MIA2: variants seen among roughly 807,000 people sequenced by gnomAD.
MIA2 encodes the protein MIA SH3 domain ER export factor 2, also known as melanoma inhibitory activity protein 2.
MIA2 carries 127 observed loss-of-function variants against 167.8 expected under a neutral mutation model. That is an observed-to-expected ratio of 0.76 (90% CI 0.66 to 0.88). The LOEUF is 0.88. Among genes scored for constraint, MIA2 ranks in the 40% least tolerant of loss-of-function variants. The pLI is 0.00. For missense variants in MIA2, 1,690 were observed against 1,624.7 expected (o/e 1.04, Z -0.69); for synonymous variants, 552 against 541.9 (o/e 1.02, Z -0.26).
Position 39,279,475 on chromosome 14 carries a change from C to T in MIA2, c.2068C>T (p.Leu690Phe), listed in dbSNP as rs749068286. 6.2e-7 allele frequency: 1 copy of T among 1,608,978 alleles called. No homozygotes were observed. Among genetic ancestry groups the T allele is most frequent in the African/African-American group, 1.3e-5 (1 of 74,568 alleles). The change falls in exon 9 of 29, where the codon CTT becomes TTT. Residue 690 changes from leucine to phenylalanine, a missense_variant. Coordinates refer to ENST00000640607, the MANE Select transcript of MIA2 (RefSeq NM_001329214.4). ...VGREKKLALM[L>F]SGLIEEKSKL... ...ACGAGAGAAAAAGCTTGCTCTAATG[C>T]TTTCTGGACTAATTGAAGAAAAAAG...
rs1370019568 is a variant in MIA2, at chr14:39,247,105, A to C, written c.531A>C (p.Gln177His). The C allele has an allele frequency of 1.2e-5, 19 of 1,608,418 alleles. No homozygotes were observed. Among genetic ancestry groups the C allele is most frequent in the Non-Finnish European group, 1.5e-5 (18 of 1,178,714 alleles). ...ATYESTLFEDQVPALEAPEDI... is the reference protein window; with the variant it reads ...ATYESTLFEDHVPALEAPEDI... ...ATGAAAGTACTTTGTTTGAAGACCA[A>C]GTTCCAGCATTAGAGGCTCCTGAAG... The change falls in exon 4 of 29, where the codon CAA becomes CAC. Residue 177 changes from glutamine to histidine, a missense_variant. Transcript: ENST00000640607.
chr14:39,286,209 G>A (rs1455797393), intron 9 of MIA2, among the ~76,000 whole-genome samples: 3 of 152,242 alleles, frequency 2.0e-5, no homozygotes, highest in Admixed American at 1.3e-4. Flanking sequence ...TCGGGAGGCC[G>A]AGGCTGGCAG....
Position 39,350,139 on chromosome 14 carries a change from C to T in MIA2, c.4114C>T (p.Pro1372Ser), listed in dbSNP as rs2074222440. Residue 1372 changes from proline (P) to serine (S), a missense_variant, in exon 29 of 29, where the codon CCC becomes TCC. Transcript: ENST00000640607. Reference sequence around the variant, plus strand: ...ACCGAGGGGTTTTCCTCCTTACCTTCCCCCAAGACCTGGATTTTTCCCCCC... The same window carrying T: ...ACCGAGGGGTTTTCCTCCTTACCTTTCCCCAAGACCTGGATTTTTCCCCCC... The part of the protein sequence containing the change: ...YPPRGFPPYL[P>S]PRPGFFPPPP... 1.5e-6 allele frequency: 2 copies of T among 1,369,144 alleles called. No individual in the cohort carries two copies. The highest frequency in any genetic ancestry group is 2.0e-6 in the Non-Finnish European group (2 of 1,001,236). The allele number at this position is 1,369,144 out of a possible 1,614,324, so 84.8% of individuals were successfully genotyped here.
At chr14:39,379,980 G>C (rs1003071297) in intron 23 of MIA2, among the ~76,000 whole-genome samples, 7 of 152,150 alleles carry the variant, frequency 4.6e-5, no homozygotes, top group African/African-American at 1.7e-4. Context: ...TTTCAATGTG[G>C]GGAGTACATT....
chr14:39,364,364 C>CAA (rs372182927), intron 23 of MIA2, among the ~76,000 whole-genome samples: 4 of 142,508 alleles, frequency 2.8e-5, no homozygotes, highest in African/African-American at 7.6e-5. Context: ...GCAAGACTCT[C>CAA]AAAAAAAAAA....
At chr14:39,308,807 C>G (rs1481799849) in intron 18 of MIA2, among the ~76,000 whole-genome samples, 1 of 152,142 alleles carries the variant, frequency 6.6e-6, no homozygotes, top group Non-Finnish European at 1.5e-5. Flanking sequence ...TTAACAGAAT[C>G]CTCTTTAGCT....
chr14:39,355,766 C>T (rs1212907188), downstream of MIA2, among the ~76,000 whole-genome samples: 3 of 152,164 alleles, frequency 2.0e-5, no homozygotes, highest in East Asian at 1.9e-4. Flanking sequence ...GCATGAAGGG[C>T]TGTTGAATTT....
chr14:39,262,787 G>T (rs549282758), intron 6 of MIA2, among the ~76,000 whole-genome samples: 5 of 152,168 alleles, frequency 3.3e-5, no homozygotes, highest in African/African-American at 1.2e-4. Flanking sequence ...ATTGTGAATG[G>T]GAGTTCACTC....
At chr14:39,313,314 G>A (rs778486197) in intron 18 of MIA2, 26 bp from the exon 19 acceptor site, 2 of 1,241,888 alleles carry the variant, frequency 1.6e-6, no homozygotes, top group Non-Finnish European at 2.3e-6. Context: ...TGTATTAAGA[G>A]AATTATAACA....
At chr14:39,386,851 C>CTT (rs1454640707) in intron 23 of MIA2, 5 of 870,660 alleles carry the variant, frequency 5.7e-6, no homozygotes, top group Non-Finnish European at 9.8e-6. Context: ...CTCTCTTCTA[C>CTT]TTTAACTCTG....
chr14:39,288,449 A>ATT (rs1566746769), intron 9 of MIA2, among the ~76,000 whole-genome samples: 170 of 4,370 alleles, frequency 0.039, 33 homozygotes, highest in East Asian at 0.1. Flanking sequence ...ATATATATAT[A>ATT]TATATATATA....
At chr14:39,355,507 A>G (rs1370159486), downstream of MIA2, among the ~76,000 whole-genome samples, 1 of 152,134 alleles carries the variant, frequency 6.6e-6, no homozygotes, top group Non-Finnish European at 1.5e-5. Context: ...AACAGGGACA[A>G]TTTGACTTCC....
At chr14:39,308,419 C>T (rs781703238) in intron 17 of MIA2, 30 bp from the exon 18 acceptor site, 3 of 1,360,594 alleles carry the variant, frequency 2.2e-6, no homozygotes, top group Admixed American at 2.6e-5. Flanking sequence ...AATGTTTCTC[C>T]TTTAATTATG....
At chr14:39,359,632 T>G (rs1379206404) in intron 23 of MIA2, among the ~76,000 whole-genome samples, 1 of 152,174 alleles carries the variant, frequency 6.6e-6, no homozygotes, top group Admixed American at 6.5e-5. Flanking sequence ...ATCACCTGTC[T>G]TCTGCGTCGC....
At chr14:39,341,304 AAATAAATAAATAAATAAATG>A (rs2071776802) in intron 25 of MIA2, among the ~76,000 whole-genome samples, 2 of 152,064 alleles carry the variant, frequency 1.3e-5, no homozygotes, top group Non-Finnish European at 2.9e-5. Context: ...TCCCTCTCAA[AAATAAATAAATAAATAAATG>A]AATAAATAAA....
intron 23 of MIA2, among the ~76,000 whole-genome samples, chr14:39,376,440 G>A (rs1011542526): frequency 6.6e-6 from 1 of 152,104 alleles, no homozygotes; most frequent in African/African-American, 2.4e-5. Context: ...TGTTTTTAAA[G>A]ATAGCTCTAT....
chr14:39,370,976 T>C (rs773454207), intron 23 of MIA2, among the ~76,000 whole-genome samples: 3 of 152,252 alleles, frequency 2.0e-5, no homozygotes, highest in Non-Finnish European at 4.4e-5. Context: ...CTTCAAACTT[T>C]TATTCAAGTA....
chr14:39,362,450 C>G (rs2074704170), intron 23 of MIA2, among the ~76,000 whole-genome samples: 1 of 152,106 alleles, frequency 6.6e-6, no homozygotes, highest in South Asian at 2.1e-4. Flanking sequence ...TCCATTTCCT[C>G]TAGGTTTTTT....
chr14:39,315,138 A>C (rs2065154912), intron 20 of MIA2: 1 of 172,850 alleles, frequency 5.8e-6, no homozygotes, highest in Non-Finnish European at 1.2e-5. Context: ...AAAAAAAAAA[A>C]AAAAAAAATA....
Sources: gnomAD v4.1 joint callset for allele counts (sites outside exome capture counted in the v4.1 genomes callset) on GRCh38, gnomAD v4.1.1 for gene constraint, MANE v1.5 for transcripts, NCBI Gene and HGNC (gene_info 2026-07-23, HGNC 2026-07-21) for gene names.